The following ABHD14A variants were observed in gnomAD, a reference collection of about 807,000 sequenced individuals.
ABHD14A encodes protein ABHD14A.
ABHD14A carries 19 observed loss-of-function variants against 27.0 expected under a neutral mutation model. The observed-to-expected ratio is 0.70, with a 90% CI of 0.49 to 1.03. The LOEUF is 1.03. Among genes scored for constraint, ABHD14A ranks in the 50% least tolerant of loss-of-function variants. The pLI is 0.00. For missense variants in ABHD14A, 311 were observed against 344.6 expected (o/e 0.90, Z 0.77); for synonymous variants, 148 against 158.8 (o/e 0.93, Z 0.51).
At chr3:51,979,873 G>A (rs1342929887) in intron 3 of ABHD14A, among the ~76,000 whole-genome samples, 1 of 152,050 alleles carries the variant, frequency 6.6e-6, no homozygotes, top group East Asian at 1.9e-4. Context: ...ATGTATGAAA[G>A]TGCCCATTTC....
intron 3 of ABHD14A, among the ~76,000 whole-genome samples, chr3:51,979,478 TTTG>T (rs1461217350): frequency 6.7e-6 from 1 of 150,120 alleles, no homozygotes; most frequent in East Asian, 1.9e-4. Flanking sequence ...TGTTTCTTTT[TTTG>T]TTTTTTGTTT....
intron 4 of ABHD14A, 98 bp from the exon 5 acceptor site, chr3:51,980,738 A>G (rs966080896): frequency 1.8e-4 from 287 of 1,557,554 alleles, no homozygotes; most frequent in Admixed American, 5.2e-5. Context: ...CCTTGGATGG[A>G]AGAGTTGGAT....
rs1023085174 is a variant in ABHD14A, at chr3:51,978,137, T to C, written c.281+55T>C. The C allele has an allele frequency of 1.9e-6, 3 of 1,564,268 alleles. No homozygotes were observed. In the African/African-American group the frequency reaches 4.1e-5, roughly 21 times the overall value. Reference sequence around the variant, plus strand: ...GGACTAGGCTCAAGGGGAGTCCCTGTGTGGGACCCCCATTATACTCAGGGT... The same window carrying C: ...GGACTAGGCTCAAGGGGAGTCCCTGCGTGGGACCCCCATTATACTCAGGGT... On this transcript the variant is annotated intron_variant, in intron 2 of 4. Transcript: ENST00000273596.
In ABHD14A at chr3:51,979,495, T is replaced by G. The variant is rs367933602; in HGVS notation, c.398-898T>G. ...TTTCTTTTTTTGTTTTTTGTTTTTT[T>G]TTTTTTTGAGACAGAGCCTCGCTCT... On this transcript the variant is annotated intron_variant, in intron 3 of 4. Coordinates refer to ENST00000273596, the MANE Select transcript of ABHD14A (RefSeq NM_015407.5). 2.8e-4 allele frequency among the ~76,000 whole-genome samples: 42 copies of G among 150,622 alleles called. 1 individual carries two copies. The South Asian group carries it at 3.8e-3, about 14-fold the overall frequency.
intron 3 of ABHD14A, chr3:51,978,710 G>A (rs374083439): frequency 1.4e-4 from 36 of 266,280 alleles, no homozygotes; most frequent in East Asian, 1.2e-3. Flanking sequence ...TCCTGCCTCC[G>A]CTTCCCCAGT....
chr3:51,978,110 A>C, intron 2 of ABHD14A, 28 bp downstream of exon 2: 2 of 1,603,436 alleles, frequency 1.2e-6, no homozygotes, highest in Non-Finnish European at 1.7e-6. Flanking sequence ...GGTCTAGTGG[A>C]GGGACTAGGC....
chr3:51,975,089 C>A lies in ABHD14A; in HGVS notation c.-47C>A. On this transcript the variant is annotated 5_prime_UTR_variant, in exon 1 of 5. Transcript: ENST00000273596. ...GCAGGCGCGCCGAGATGGCCGCGCTCCTGGCCGCCTAGAGCCGGAGCGGCC... is the reference window on the plus strand; with the variant it reads ...GCAGGCGCGCCGAGATGGCCGCGCTACTGGCCGCCTAGAGCCGGAGCGGCC... The A allele has an allele frequency of 1.6e-6, 2 of 1,275,578 alleles. No homozygotes were observed. The highest frequency in any genetic ancestry group is 2.5e-5 in the South Asian group (1 of 39,704). The allele number at this position is 1,275,578 out of a possible 1,614,324, so 79.0% of individuals were successfully genotyped here.
rs1700822540 is a variant in ABHD14A at position 51,977,973 on chromosome 3, C to A, written c.172C>A (p.Gln58Lys). The change falls in exon 2 of 5, where the codon CAG (glutamine) becomes AAG (lysine). Residue 58 changes from glutamine (Q) to lysine (K), a missense_variant. Physicochemically the swap from Gln to Lys is moderately conservative, Grantham distance 53. Coordinates refer to ENST00000273596, the MANE Select transcript of ABHD14A (RefSeq NM_015407.5). ...LYVGLPGPPEQTSCLWGDPNV... is the reference protein window; with the variant it reads ...LYVGLPGPPEKTSCLWGDPNV... ...TGTGGGGCTGCCAGGCCCCCCTGAG[C>A]AGACTTCCTGCCTCTGGGGAGACCC... 1 of 1,614,120 alleles carries A rather than the reference C, an allele frequency of 6.2e-7. No individual in the cohort carries two copies. Among genetic ancestry groups the A allele is most frequent in the East Asian group, 2.2e-5 (1 of 44,886 alleles).
At chr3:51,976,456 CA>C (rs1408255865) in intron 1 of ABHD14A, among the ~76,000 whole-genome samples, 3 of 151,926 alleles carry the variant, frequency 2.0e-5, no homozygotes, top group South Asian at 4.2e-4. Context: ...GCGGGTGAAA[CA>C]CGAGGCCAGC....
chr3:51,980,155 C>T (rs182460637), intron 3 of ABHD14A: 55 of 588,834 alleles, frequency 9.3e-5, no homozygotes, highest in African/African-American at 9.1e-4. Context: ...ATCTCCTAAC[C>T]TCGTGATCTG....
rs150471523 is a variant in ABHD14A, at chr3:51,978,228, C to T, written c.282-31C>T. The T allele has an allele frequency of 4.3e-3, 6,574 of 1,540,286 alleles. 15 individuals carry two copies. Among genetic ancestry groups the T allele is most frequent in the Non-Finnish European group, 5.4e-3 (6,110 of 1,137,612 alleles). On this transcript the variant is annotated intron_variant, in intron 2 of 4. Coordinates refer to ENST00000273596, the MANE Select transcript of ABHD14A (RefSeq NM_015407.5). ...AAGAAAGGTGGGCTACACCAGGTTC[C>T]CAGCAAACACATTCCCCTGTGTGCC...
intron 1 of ABHD14A, among the ~76,000 whole-genome samples, chr3:51,976,984 G>C (rs1446125967): frequency 6.6e-6 from 1 of 152,174 alleles, no homozygotes; most frequent in African/African-American, 2.4e-5. Context: ...GCCAGAAGCT[G>C]TCTGTGTGTA....
chr3:51,976,447 C>T (rs1700789874), intron 1 of ABHD14A, among the ~76,000 whole-genome samples: 1 of 152,054 alleles, frequency 6.6e-6, no homozygotes, highest in African/African-American at 2.4e-5. Context: ...GAGGCCGAGG[C>T]GGGTGAAACA....
chr3:51,980,323 C>T (rs1252365402), intron 3 of ABHD14A, 70 bp from the exon 4 acceptor site: 2 of 1,462,522 alleles, frequency 1.4e-6, no homozygotes, highest in Non-Finnish European at 1.9e-6. Context: ...CTTTTTCCCC[C>T]ACTGTGGTGG....
chr3:51,980,942 C>T lies in ABHD14A; in HGVS notation c.740C>T (p.Ala247Val). 1 of 1,614,128 alleles carries T rather than the reference C, an allele frequency of 6.2e-7. No homozygotes were observed. Among genetic ancestry groups the T allele is most frequent in the South Asian group, 1.1e-5 (1 of 91,090 alleles). Reference sequence around the variant, plus strand: ...CACTCTGTGGTGAAGCTACGCAATGCAGGCCATGCCTGTTACCTCCACAAG... The same window carrying T: ...CACTCTGTGGTGAAGCTACGCAATGTAGGCCATGCCTGTTACCTCCACAAG... ...PNHSVVKLRN[A>V]GHACYLHKPQ... is the part of the protein sequence containing the mutation. The change falls in exon 5 of 5, where the codon GCA becomes GTA. Residue 247 changes from alanine (A) to valine (V), a missense_variant. By Grantham distance (64) the Ala-to-Val change is moderately conservative (BLOSUM62 0). Coordinates refer to ENST00000273596, the MANE Select transcript of ABHD14A (RefSeq NM_015407.5).
At position 51,978,082 on chromosome 3, in the gene ABHD14A, G is replaced by A. The variant is rs1353873096; in HGVS notation, c.281G>A (p.Arg94Lys). The A allele has an allele frequency of 6.2e-7, 1 of 1,612,976 alleles. No individual in the cohort carries two copies. The highest frequency in any genetic ancestry group is 8.5e-7 in the Non-Finnish European group (1 of 1,179,524). ...REVLPLNQAH[R>K]VEVVLLHGKA... is the part of the protein sequence containing the mutation. ...GTGCTCCCACTCAACCAGGCACACA[G>A]GTAGGTGCTGCTCCAAGGGTCTAGT... The change falls in exon 2 of 5, where the codon AGG (arginine) becomes AAG (lysine). Residue 94 changes from arginine to lysine, a missense_variant and splice_region_variant. Physicochemically the swap from Arg to Lys is conservative, Grantham distance 26. Transcript: ENST00000273596.
At chr3:51,976,150 C>T (rs185947915) in intron 1 of ABHD14A, among the ~76,000 whole-genome samples, 41 of 152,320 alleles carry the variant, frequency 2.7e-4, no homozygotes, top group African/African-American at 9.9e-4. Context: ...TAGAGACGCG[C>T]GTCTGAGGTT....
chr3:51,977,962 G>GC lies in ABHD14A; in HGVS notation c.167dup (p.Glu57Ter). The GC allele has an allele frequency of 6.2e-7, 1 of 1,614,102 alleles. No homozygotes were observed. On this transcript the variant is annotated frameshift_variant, in exon 2 of 5. Coordinates refer to ENST00000273596, the MANE Select transcript of ABHD14A (RefSeq NM_015407.5). LOFTEE classifies it high-confidence loss of function. The stretch of plus-strand genomic sequence containing the variant: ...CTCCTACTGTATGTGGGGCTGCCAG[G>GC]CCCCCCTGAGCAGACTTCCTGCCTC...
At position 51,980,936 on chromosome 3, in the gene ABHD14A, G is replaced by C. The variant is rs777904784; in HGVS notation, c.734G>C (p.Arg245Pro). The C allele has an allele frequency of 1.9e-6, 3 of 1,614,138 alleles. No homozygotes were observed. Residue 245 changes from arginine (R) to proline (P), a missense_variant, in exon 5 of 5, where the codon CGC becomes CCC. Arg to Pro is a moderately radical substitution (Grantham distance 103, BLOSUM62 -2). Coordinates refer to ENST00000273596, the MANE Select transcript of ABHD14A (RefSeq NM_015407.5). ...HLPNHSVVKL[R>P]NAGHACYLHK... ...CCCAACCACTCTGTGGTGAAGCTACGCAATGCAGGCCATGCCTGTTACCTC... is the reference window on the plus strand; with the variant it reads ...CCCAACCACTCTGTGGTGAAGCTACCCAATGCAGGCCATGCCTGTTACCTC...
Sources: allele counts gnomAD v4.1 joint callset (sites outside exome capture counted in the v4.1 genomes callset), GRCh38; gene constraint gnomAD v4.1.1; transcripts MANE v1.5; gene names NCBI Gene and HGNC (gene_info 2026-07-23, HGNC 2026-07-21).